The following IGDCC3 variants were observed in gnomAD, a reference collection of about 807,000 sequenced individuals.
IGDCC3 encodes the protein immunoglobulin superfamily DCC subclass member 3.
A neutral mutation model predicts 72.0 loss-of-function variants in IGDCC3; 47 were observed. That is an observed-to-expected ratio of 0.65 (90% CI 0.52 to 0.83). IGDCC3 has a LOEUF of 0.83. IGDCC3 is among the 40% of genes least tolerant of loss of function. The probability of loss-of-function intolerance (pLI) is 0.00; values close to 1 mark genes in which losing one functional copy is unlikely to be tolerated. For synonymous variants in IGDCC3, 477 were observed against 472.8 expected, an observed-to-expected ratio of 1.01 and a Z score of -0.11; for missense variants, 1,038 against 1,091.3, an observed-to-expected ratio of 0.95 and a Z score of 0.69.
rs774846133 is a variant in IGDCC3, at chr15:65,329,675, G to A, written c.1997+51C>T. On this transcript the variant is annotated intron_variant, in intron 12 of 13. Transcript: ENST00000327987. This position sits in a 1 kb window ranked among gnomAD's most constrained non-coding sequence, Gnocchi z 4.1. ...GTGAGCCCACACTCACCTTCTCTAG[G>A]CCTAGTCCCCCACACACCAGCCCAG... The A allele has an allele frequency of 4.0e-5, 65 of 1,612,300 alleles. No homozygotes were observed. The highest frequency in any genetic ancestry group is 1.3e-4 in the Admixed American group (8 of 59,964).
Position 65,331,946 on chromosome 15 carries a change from G to T in IGDCC3, c.1143C>A (p.Asn381Lys). ...GPGGHVRLKNNNSTLTISGIG... is the reference protein window; with the variant it reads ...GPGGHVRLKNKNSTLTISGIG... The stretch of plus-strand genomic sequence containing the variant: ...AGCACACACCACACACATACCTGTT[G>T]TTATTCTTGAGCCTGACGTGGCCTC... The change falls in exon 7 of 14, where the codon AAC (asparagine) becomes AAA (lysine). Residue 381 changes from asparagine to lysine, a missense_variant. Coordinates refer to ENST00000327987, the MANE Select transcript of IGDCC3 (RefSeq NM_004884.4). 1 of 1,613,294 alleles carries T rather than the reference G, an allele frequency of 6.2e-7. No homozygotes were observed. The highest frequency in any genetic ancestry group is 8.5e-7 in the Non-Finnish European group (1 of 1,179,956).
chr15:65,340,992 G>C (rs1264562039), intron 2 of IGDCC3, among the ~76,000 whole-genome samples: 1 of 152,218 alleles, frequency 6.6e-6, no homozygotes, highest in African/African-American at 2.4e-5. Context: ...GCCTCCCAAA[G>C]TGCCGGGATT....
chr15:65,345,429 C>T (rs1028919313), intron 2 of IGDCC3, among the ~76,000 whole-genome samples: 2 of 151,784 alleles, frequency 1.3e-5, no homozygotes, highest in Admixed American at 6.6e-5. Flanking sequence ...TGGCGTGTGC[C>T]TGTAGTCCCA....
In IGDCC3 at chr15:65,329,463, C is replaced by T. The variant is rs147682774; in HGVS notation, c.2132G>A (p.Arg711His). The change falls in exon 13 of 14, where the codon CGT becomes CAT. Residue 711 changes from arginine (R) to histidine (H), a missense_variant. Coordinates refer to ENST00000327987, the MANE Select transcript of IGDCC3 (RefSeq NM_004884.4). The surrounding 1 kb of genome is among the most constrained non-coding windows in gnomAD (Gnocchi z 4.1). ...CTGCTCCAGCTCCTTCATATCCACA[C>T]GTTTCTCGTCTCGGCCCAGCTGGCC... ...QRGQLGRDEK[R>H]VDMKELEQLF... The T allele has an allele frequency of 7.7e-5, 124 of 1,610,672 alleles. 1 individual carries two copies. The African/African-American group carries it at 1.3e-3, about 16-fold the overall frequency.
rs920525349 is a variant in IGDCC3, at chr15:65,327,368, C to T, written c.*1541G>A. ...GGGACTACCCTTCCCCAAGTCCACG[C>T]GGACACAGCTCTAGTTTTCTAGGAA... On this transcript the variant is annotated 3_prime_UTR_variant, in exon 14 of 14. Transcript: ENST00000327987. 5.3e-5 allele frequency: 8 copies of T among 152,302 alleles called. No individual in the cohort carries two copies. The highest frequency in any genetic ancestry group is 2.0e-4 in the Admixed American group (3 of 15,294). The allele number at this position is 152,302 out of a possible 1,614,324, so 9.4% of individuals were successfully genotyped here.
At chr15:65,372,534 T>C (rs892558700) in intron 2 of IGDCC3, among the ~76,000 whole-genome samples, 11 of 151,436 alleles carry the variant, frequency 7.3e-5, no homozygotes, top group African/African-American at 2.6e-4. Flanking sequence ...TTTCCAACCA[T>C]CCGCCTCTGG....
Position 65,331,107 on chromosome 15 carries a change from T to G in IGDCC3, c.1504A>C (p.Thr502Pro). 6.2e-7 allele frequency: 1 copy of G among 1,614,058 alleles called. No individual in the cohort carries two copies. The highest frequency in any genetic ancestry group is 8.5e-7 in the Non-Finnish European group (1 of 1,179,996). ...GAGGCTGAGCTGGCCCCCCTTGGTGTGTAGGCCTTGATGTAGAAACTGTAG... is the reference window on the plus strand; with the variant it reads ...GAGGCTGAGCTGGCCCCCCTTGGTGGGTAGGCCTTGATGTAGAAACTGTAG... ...TAYSFYIKAY[T>P]PRGASSASVP... Residue 502 changes from threonine (T) to proline (P), a missense_variant, in exon 9 of 14, where the codon ACA becomes CCA. Coordinates refer to ENST00000327987, the MANE Select transcript of IGDCC3 (RefSeq NM_004884.4).
rs1233173754 is a variant in IGDCC3 at position 65,377,625 on chromosome 15, C to T, written c.103+61G>A. ...GGTCCGCCCCTCGCGCCCGCTCCCTCCCTGCTCGCCCTTCCCCTGGCTCCG... is the reference window on the plus strand; with the variant it reads ...GGTCCGCCCCTCGCGCCCGCTCCCTTCCTGCTCGCCCTTCCCCTGGCTCCG... On this transcript the variant is annotated intron_variant, in intron 1 of 13. Coordinates refer to ENST00000327987, the MANE Select transcript of IGDCC3 (RefSeq NM_004884.4). The surrounding 1 kb of genome is among the most constrained non-coding windows in gnomAD (Gnocchi z 4.9). The T allele has an allele frequency of 3.5e-5, 48 of 1,353,556 alleles. No individual in the cohort carries two copies. Among genetic ancestry groups the T allele is most frequent in the Admixed American group, 1.2e-4 (4 of 32,932 alleles). 83.8% of individuals were successfully genotyped at this position (1,353,556 alleles called of 1,614,324 possible).
In IGDCC3 at chr15:65,328,096, A is replaced by G. The variant is rs1171033578; in HGVS notation, c.*813T>C. On this transcript the variant is annotated 3_prime_UTR_variant, in exon 14 of 14. Transcript: ENST00000327987. ...TCCATTTCTATTTCTGTAGGCCACA[A>G]GAGTTCCCCTTGGTGGCCCAACCTC... 6.6e-6 allele frequency: 1 copy of G among 152,578 alleles called. No individual in the cohort carries two copies. The highest frequency in any genetic ancestry group is 6.6e-5 in the Admixed American group (1 of 15,266). The allele number at this position is 152,578 out of a possible 1,614,324, so 9.5% of individuals were successfully genotyped here. A position where few individuals can be genotyped will look rare whatever the true frequency, so the allele number is the denominator to read the frequency against.
At chr15:65,337,525 A>G (rs2141038768) in intron 2 of IGDCC3, among the ~76,000 whole-genome samples, 1 of 152,194 alleles carries the variant, frequency 6.6e-6, no homozygotes, top group East Asian at 1.9e-4. Flanking sequence ...AGGTGGGGGC[A>G]AGTGTCCCAG....
chr15:65,374,350 C>T (rs192616616), intron 2 of IGDCC3, among the ~76,000 whole-genome samples: 47 of 152,294 alleles, frequency 3.1e-4, no homozygotes, highest in Admixed American at 6.5e-4. Flanking sequence ...GCAACACACT[C>T]CCAGTGTGCA....
At position 65,335,433 on chromosome 15, in the gene IGDCC3, A is replaced by C; in HGVS notation, c.555-12T>G. 6.3e-7 allele frequency: 1 copy of C among 1,599,354 alleles called. No individual in the cohort carries two copies. The highest frequency in any genetic ancestry group is 8.5e-7 in the Non-Finnish European group (1 of 1,173,648). On this transcript the variant is annotated splice_polypyrimidine_tract_variant and intron_variant, in intron 3 of 13. Coordinates refer to ENST00000327987, the MANE Select transcript of IGDCC3 (RefSeq NM_004884.4). ...GCAGCAATGTGTACCTGTTGAGGGGAGGGACATAGTTGGCCACCAGCACAG... is the reference window on the plus strand; with the variant it reads ...GCAGCAATGTGTACCTGTTGAGGGGCGGGACATAGTTGGCCACCAGCACAG...
At chr15:65,370,072 G>A (rs1238786079) in intron 2 of IGDCC3, among the ~76,000 whole-genome samples, 1 of 152,120 alleles carries the variant, frequency 6.6e-6, no homozygotes, top group East Asian at 1.9e-4. Flanking sequence ...GACTAGAACT[G>A]GACTTTCTCT....
chr15:65,335,389 A>C lies in IGDCC3; in HGVS notation c.587T>G (p.Ile196Ser). 6.2e-7 allele frequency: 1 copy of C among 1,613,564 alleles called. No homozygotes were observed. The highest frequency in any genetic ancestry group is 8.5e-7 in the Non-Finnish European group (1 of 1,179,704). ...YTLLPKGVLQITGLRAEDGGI... is the reference protein window; with the variant it reads ...YTLLPKGVLQSTGLRAEDGGI... Reference sequence around the variant, plus strand: ...ACCGTCCTCAGCTCGAAGTCCTGTGATCTGCAGGACCCCCTTGGGCAGCAA... The same window carrying C: ...ACCGTCCTCAGCTCGAAGTCCTGTGCTCTGCAGGACCCCCTTGGGCAGCAA... Residue 196 changes from isoleucine (I) to serine (S), a missense_variant, in exon 4 of 14, where the codon ATC becomes AGC. Ile to Ser is a moderately radical substitution (Grantham distance 142). Transcript: ENST00000327987.
In IGDCC3 at chr15:65,368,160, T is replaced by TCAAA. The variant is rs1555432437; in HGVS notation, c.409+6936_409+6937insTTTG. Among the ~76,000 whole-genome samples the TCAAA allele has an allele frequency of 4.9e-4, 71 of 146,316 alleles. No individual in the cohort carries two copies. The Middle Eastern group carries it at 0.01, about 21-fold the overall frequency. ...CTGTGGAAAACTCTCTCTCTTTCAC[T>TCAAA]CACACACACACACACACACACACAC... On this transcript the variant is annotated intron_variant, in intron 2 of 13. Transcript: ENST00000327987.
intron 6 of IGDCC3, among the ~76,000 whole-genome samples, chr15:65,332,970 CTGAGA>C (rs1362410011): frequency 6.6e-6 from 1 of 152,148 alleles, no homozygotes; most frequent in Non-Finnish European, 1.5e-5. Context: ...GGGACACCAG[CTGAGA>C]TGAGAAAGTG....
rs146878149 is a variant in IGDCC3, at chr15:65,340,459, C to G, written c.410-4503G>C. ...TGCAAAAGCGAGGGGCCCTGGGGCT[C>G]TGAGGTGCCGGCTGTCCCCACCTCA... is the stretch of plus-strand genomic sequence containing the variant. On this transcript the variant is annotated intron_variant, in intron 2 of 13. Transcript: ENST00000327987. Among the ~76,000 whole-genome samples the G allele has an allele frequency of 6.7e-3, 1,026 of 152,292 alleles. 5 individuals are homozygous for G. Among genetic ancestry groups the G allele is most frequent in the African/African-American group, 0.023 (972 of 41,564 alleles).
At chr15:65,353,494 C>A (rs915844434) in intron 2 of IGDCC3, among the ~76,000 whole-genome samples, 3 of 152,160 alleles carry the variant, frequency 2.0e-5, no homozygotes, top group African/African-American at 7.2e-5. Context: ...TGGTGATCTG[C>A]CCGCCTCGGC....
intron 5 of IGDCC3, among the ~76,000 whole-genome samples, chr15:65,333,653 G>A (rs935131): frequency 0.22 from 33,857 of 152,096 alleles, 4,474 homozygotes; most frequent in Admixed American, 0.32. Flanking sequence ...ACTGACTCAC[G>A]GGCCACCTGC....
Sources: allele counts gnomAD v4.1 joint callset (sites outside exome capture counted in the v4.1 genomes callset), GRCh38; gene constraint gnomAD v4.1.1; non-coding constraint Gnocchi (gnomAD v3.1); transcripts MANE v1.5; gene names NCBI Gene and HGNC (gene_info 2026-07-23, HGNC 2026-07-21).